Variants in MOK observed in about 807,000 individuals in gnomAD.
MOK encodes MAPK/MAK/MRK overlapping kinase.
A neutral mutation model predicts 54.2 loss-of-function variants in MOK; 59 were observed. The ratio of observed to expected loss-of-function variants is 1.09; its 90% CI spans 0.88 to 1.35. The LOEUF is 1.35. MOK is among the 40% of genes most tolerant of loss of function. MOK has a pLI of 0.00. For synonymous variants in MOK, 210 were observed against 202.7 expected, an observed-to-expected ratio of 1.04 and a Z score of -0.31; for missense variants, 517 against 526.2, an observed-to-expected ratio of 0.98 and a Z score of 0.17.
At chr14:102,272,947 A>G (rs2068503201) in intron 2 of MOK, among the ~76,000 whole-genome samples, 1 of 152,090 alleles carries the variant, frequency 6.6e-6, no homozygotes, top group Admixed American at 6.6e-5. Flanking sequence ...CAAGGTGGGC[A>G]GATCACAAAG....
intron 11 of MOK, 41 bp downstream of exon 11, chr14:102,229,416 G>A (rs752850587): frequency 3.1e-6 from 5 of 1,613,966 alleles, no homozygotes; most frequent in Non-Finnish European, 4.2e-6. Flanking sequence ...CCTGGGCTGG[G>A]TCGAAGAGCA....
intron 2 of MOK, among the ~76,000 whole-genome samples, chr14:102,268,197 G>T (rs968880859): frequency 2.6e-5 from 4 of 152,116 alleles, no homozygotes; most frequent in Non-Finnish European, 5.9e-5. Flanking sequence ...TTTGCTTATT[G>T]TAGATAGGAT....
downstream of MOK, chr14:102,226,200 T>C: frequency 4.9e-6 from 3 of 613,960 alleles, no homozygotes; most frequent in Non-Finnish European, 8.7e-6. The surrounding 1 kb of genome is among the most constrained non-coding windows in gnomAD (Gnocchi z 4.8). Context: ...CCCCCGCCAG[T>C]GTGGGGTGTG....
intron 2 of MOK, among the ~76,000 whole-genome samples, chr14:102,266,834 G>T (rs986605922): frequency 1.3e-5 from 2 of 152,104 alleles, no homozygotes; most frequent in Non-Finnish European, 2.9e-5. Flanking sequence ...CACCCACCTT[G>T]GCCTCCCAAA....
chr14:102,287,992 G>A (rs928724884), intron 1 of MOK, among the ~76,000 whole-genome samples: 6 of 150,992 alleles, frequency 4.0e-5, no homozygotes, highest in Admixed American at 2.0e-4. Flanking sequence ...CCGCCACCGC[G>A]CCCGGCTAAT....
chr14:102,293,048 G>A (rs1234604695), intron 1 of MOK, among the ~76,000 whole-genome samples: 5 of 152,130 alleles, frequency 3.3e-5, no homozygotes, highest in African/African-American at 1.2e-4. Flanking sequence ...CATAAGAATC[G>A]CTTGAACCTG....
rs751008301 is a variant in MOK, at chr14:102,257,227, G to A, written c.284-5232C>T. Among the ~76,000 whole-genome samples, 4 of 151,954 alleles carry A rather than the reference G, an allele frequency of 2.6e-5. No homozygotes were observed. In the East Asian group the frequency reaches 7.7e-4, roughly 29 times the overall value. ...GAAAGATGCTTCTGGCCCAGGTATG[G>A]GGGCAGATGAGAGGAGGGAAGGCAT... On this transcript the variant is annotated intron_variant, in intron 4 of 11. Transcript: ENST00000361847.
At chr14:102,277,859 C>T (rs1056493810) in intron 2 of MOK, among the ~76,000 whole-genome samples, 1 of 152,090 alleles carries the variant, frequency 6.6e-6, no homozygotes, top group African/African-American at 2.4e-5. Flanking sequence ...TCAAGATATA[C>T]AAATTTTGAC....
intron 2 of MOK, among the ~76,000 whole-genome samples, chr14:102,275,134 A>G (rs1442710748): frequency 6.6e-6 from 1 of 152,248 alleles, no homozygotes; most frequent in African/African-American, 2.4e-5. Context: ...TTTTACAGTC[A>G]ATTAGCTTTT....
chr14:102,243,449 G>A (rs1050035465), intron 7 of MOK, among the ~76,000 whole-genome samples: 1 of 152,116 alleles, frequency 6.6e-6, no homozygotes, highest in Non-Finnish European at 1.5e-5. Flanking sequence ...TGATCTTACT[G>A]TTTTAGGCTG....
chr14:102,287,737 A>G (rs2070285065), intron 1 of MOK, among the ~76,000 whole-genome samples: 1 of 151,940 alleles, frequency 6.6e-6, no homozygotes. Flanking sequence ...GAGGATGTGG[A>G]GAAATTGGGA....
intron 2 of MOK, among the ~76,000 whole-genome samples, chr14:102,269,701 G>C (rs2068202947): frequency 6.6e-6 from 1 of 151,996 alleles, no homozygotes; most frequent in African/African-American, 2.4e-5. Flanking sequence ...TCAAACTCCT[G>C]ATCTCAAGTG....
chr14:102,260,225 A>C (rs1422418964), intron 4 of MOK, among the ~76,000 whole-genome samples: 1 of 151,524 alleles, frequency 6.6e-6, no homozygotes, highest in East Asian at 1.9e-4. Flanking sequence ...GTGCTCCTGT[A>C]GTCCCACCTA....
chr14:102,261,400 AAAAAAAAAAAAAAAAAAAATATATAT>A lies in MOK; in HGVS notation c.283+2120_283+2145del, dbSNP rs1284973644. ...CGCCACGTCTCAAAAAAAAAAAAAA[AAAAAAAAAAAAAAAAAAAATATATAT>A]ATATATATATATATATATATATATA... On this transcript the variant is annotated intron_variant, in intron 4 of 11. Transcript: ENST00000361847. Among the ~76,000 whole-genome samples the A allele has an allele frequency of 1.8e-4, 13 of 74,048 alleles. 1 individual carries two copies. The South Asian group carries it at 6.0e-3, about 34-fold the overall frequency. 48.6% of individuals were successfully genotyped at this position (74,048 alleles called of 152,430 possible). A position where few individuals can be genotyped will look rare whatever the true frequency, so the allele number is the denominator to read the frequency against.
At chr14:102,224,961 T>TGTCA, downstream of MOK, 2 of 370,792 alleles carry the variant, frequency 5.4e-6, no homozygotes, top group Non-Finnish European at 1.1e-5. Context: ...TGCTAGGTGC[T>TGTCA]GTCAGTTATA....
chr14:102,225,204 G>A (rs1010095209), downstream of MOK: 9 of 196,512 alleles, frequency 4.6e-5, no homozygotes, highest in East Asian at 1.5e-4. Context: ...GGAATCACAC[G>A]TGTGTGCCAC....
chr14:102,237,525 C>T (rs2065331465), intron 7 of MOK, among the ~76,000 whole-genome samples: 1 of 152,166 alleles, frequency 6.6e-6, no homozygotes, highest in African/African-American at 2.4e-5. Flanking sequence ...ACTTTGCCCT[C>T]CTAGCTCACC....
chr14:102,248,958 G>A (rs1223596740), intron 7 of MOK, among the ~76,000 whole-genome samples: 13 of 151,894 alleles, frequency 8.6e-5, no homozygotes, highest in African/African-American at 3.1e-4. Flanking sequence ...CTACAGTCAG[G>A]ACATGGCCAT....
At chr14:102,297,698 C>T (rs1397046050) in intron 1 of MOK, among the ~76,000 whole-genome samples, 2 of 152,064 alleles carry the variant, frequency 1.3e-5, no homozygotes, top group East Asian at 1.9e-4. Context: ...GAGGTGCAGG[C>T]GGGAACCGGG....
Sources: gnomAD v4.1 joint callset for allele counts (sites outside exome capture counted in the v4.1 genomes callset) on GRCh38, gnomAD v4.1.1 for gene constraint, Gnocchi (gnomAD v3.1) non-coding constraint, MANE v1.5 for transcripts, NCBI Gene and HGNC (gene_info 2026-07-23, HGNC 2026-07-21) for gene names.